PLCB4: variants seen among roughly 807,000 people sequenced by gnomAD.
PLCB4 encodes 1-phosphatidylinositol 4,5-bisphosphate phosphodiesterase beta-4.
PLCB4 carries 77 observed loss-of-function variants against 178.8 expected under a neutral mutation model. That is an observed-to-expected ratio of 0.43 (90% CI 0.36 to 0.52). The LOEUF is 0.52. Among genes scored for constraint, PLCB4 ranks in the 20% least tolerant of loss-of-function variants. The pLI is 0.00. For missense variants in PLCB4, 1,024 were observed against 1,453.4 expected (o/e 0.70, Z 4.80); for synonymous variants, 496 against 490.8 (o/e 1.01, Z -0.14).
chr20:9,229,414 T>C (rs1272492684), intron 3 of PLCB4, among the ~76,000 whole-genome samples: 1 of 152,058 alleles, frequency 6.6e-6, no homozygotes, highest in African/African-American at 2.4e-5. Flanking sequence ...TAGGATGCAG[T>C]GCAGCCAGAA....
chr20:9,262,024 A>G (rs2094302395), intron 3 of PLCB4, among the ~76,000 whole-genome samples: 2 of 152,168 alleles, frequency 1.3e-5, no homozygotes, highest in African/African-American at 4.8e-5. Flanking sequence ...GGTGAATTCC[A>G]CCTGATCCAA....
At chr20:9,112,923 T>C (rs1340785490) in intron 2 of PLCB4, among the ~76,000 whole-genome samples, 1 of 152,108 alleles carries the variant, frequency 6.6e-6, no homozygotes, top group African/African-American at 2.4e-5. Context: ...TTGGTACGTA[T>C]AAAATTTTAC....
Position 9,479,908 on chromosome 20 carries a change from T to C in PLCB4, c.*899T>C, listed in dbSNP as rs2044783049. ...ACAAGCACCAATAAAGACTAATCCA[T>C]ACACAGTTAACCTAATGCCAAATAA... On this transcript the variant is annotated 3_prime_UTR_variant, in exon 40 of 40. Transcript: ENST00000378473. 6.6e-6 allele frequency: 1 copy of C among 152,454 alleles called. No individual in the cohort carries two copies. Among genetic ancestry groups the C allele is most frequent in the Non-Finnish European group, 1.5e-5 (1 of 68,040 alleles). 9.4% of individuals were successfully genotyped at this position (152,454 alleles called of 1,614,324 possible). A position where few individuals can be genotyped will look rare whatever the true frequency, so the allele number is the denominator to read the frequency against.
At chr20:9,370,960 C>T (rs1457130649) in intron 9 of PLCB4, 4 of 393,244 alleles carry the variant, frequency 1.0e-5, no homozygotes, top group Non-Finnish European at 1.8e-5. Context: ...CCGCTTGCCC[C>T]TTGTTCTCCC....
chr20:9,359,986 C>T (rs1468050253), intron 7 of PLCB4, among the ~76,000 whole-genome samples: 6 of 152,130 alleles, frequency 3.9e-5, no homozygotes, highest in Non-Finnish European at 7.4e-5. Flanking sequence ...TGTTATGTTA[C>T]TTGTACTTTA....
intron 18 of PLCB4, among the ~76,000 whole-genome samples, chr20:9,394,676 T>C (rs1359677596): frequency 1.3e-5 from 2 of 152,210 alleles, no homozygotes; most frequent in Non-Finnish European, 2.9e-5. Context: ...TTGAATGTTA[T>C]TTTGTATGTT....
intron 3 of PLCB4, among the ~76,000 whole-genome samples, chr20:9,248,156 C>T (rs1020557087): frequency 2.6e-5 from 4 of 151,912 alleles, no homozygotes; most frequent in African/African-American, 9.7e-5. Flanking sequence ...CATCTATACC[C>T]ATTACTATAT....
intron 9 of PLCB4, 53 bp downstream of exon 9, chr20:9,365,567 C>A: frequency 9.3e-7 from 1 of 1,072,224 alleles, no homozygotes; most frequent in Admixed American, 1.8e-5. Context: ...GCTTGTCATC[C>A]CAAACCAAAG....
At chr20:9,180,348 C>A (rs1016709375) in intron 2 of PLCB4, among the ~76,000 whole-genome samples, 1 of 152,082 alleles carries the variant, frequency 6.6e-6, no homozygotes, top group African/African-American at 2.4e-5. Flanking sequence ...CATTGTTCAG[C>A]GATTTAAATC....
intron 3 of PLCB4, among the ~76,000 whole-genome samples, chr20:9,298,805 G>T (rs1288474748): frequency 6.6e-6 from 1 of 151,994 alleles, no homozygotes; most frequent in African/African-American, 2.4e-5. Flanking sequence ...GGTACGAGAG[G>T]CAGGGACAAA....
rs1321903144 is a variant in PLCB4, at chr20:9,421,440, A to C, written c.2298A>C (p.Glu766Asp). ...ATGGACTCAATCCAGTTTACAATGAAGAGTCATTTGTATTTCGGAAGGTAG... is the reference window on the plus strand; with the variant it reads ...ATGGACTCAATCCAGTTTACAATGACGAGTCATTTGTATTTCGGAAGGTAG... ...MNNGLNPVYNEESFVFRKVIL... is the reference protein window; with the variant it reads ...MNNGLNPVYNDESFVFRKVIL... Residue 766 changes from glutamate to aspartate, a missense_variant, in exon 27 of 40, where the codon GAA (glutamate) becomes GAC (aspartate). This residue lies in a region of PLCB4 where 227 missense variants were observed against 374.3 expected (regional missense o/e 0.61). Coordinates refer to ENST00000378473, the MANE Select transcript of PLCB4 (RefSeq NM_001377142.1). 6.2e-7 allele frequency: 1 copy of C among 1,613,584 alleles called. No individual in the cohort carries two copies. Among genetic ancestry groups the C allele is most frequent in the East Asian group, 2.2e-5 (1 of 44,888 alleles).
intron 34 of PLCB4, among the ~76,000 whole-genome samples, chr20:9,458,374 CTG>C (rs2043185416): frequency 2.0e-5 from 3 of 152,238 alleles, no homozygotes; most frequent in Non-Finnish European, 1.5e-5. Flanking sequence ...GTTGTGCAAA[CTG>C]TCATGATTCT....
intron 2 of PLCB4, among the ~76,000 whole-genome samples, chr20:9,142,736 C>T (rs968387250): frequency 6.6e-6 from 1 of 152,132 alleles, no homozygotes; most frequent in Non-Finnish European, 1.5e-5. Flanking sequence ...TCTGTTCCTG[C>T]TTGAGCCCTT....
chr20:9,336,794 T>C (rs2032535252), intron 4 of PLCB4, among the ~76,000 whole-genome samples: 1 of 152,062 alleles, frequency 6.6e-6, no homozygotes, highest in African/African-American at 2.4e-5. Flanking sequence ...ATGTATCTCC[T>C]GATTTTTGAC....
intron 3 of PLCB4, among the ~76,000 whole-genome samples, chr20:9,285,463 A>G (rs2094529091): frequency 6.6e-6 from 1 of 152,002 alleles, no homozygotes; most frequent in Non-Finnish European, 1.5e-5. Flanking sequence ...AGCATAGTAT[A>G]GTTCTCCTCA....
chr20:9,171,489 C>A (rs1358579991), intron 2 of PLCB4, among the ~76,000 whole-genome samples: 1 of 152,060 alleles, frequency 6.6e-6, no homozygotes, highest in Non-Finnish European at 1.5e-5. Flanking sequence ...AAACTATAGA[C>A]CAGAACAACA....
chr20:9,236,949 T>C (rs1027841937), intron 3 of PLCB4, among the ~76,000 whole-genome samples: 5 of 152,176 alleles, frequency 3.3e-5, no homozygotes, highest in Admixed American at 6.5e-5. Flanking sequence ...ACATAGGACA[T>C]CATGACACCT....
chr20:9,233,132 T>A lies in PLCB4; in HGVS notation c.-16+15680T>A, dbSNP rs141619529. On this transcript the variant is annotated intron_variant, in intron 3 of 39. Coordinates refer to ENST00000378473, the MANE Select transcript of PLCB4 (RefSeq NM_001377142.1). ...GTCTAGTTGAAATTACTCAAATGTA[T>A]CTCATTTTAGTTTCATTTTGATAAT... 3.9e-3 allele frequency among the ~76,000 whole-genome samples: 601 copies of A among 152,270 alleles called. 4 individuals are homozygous for A. The highest frequency in any genetic ancestry group is 0.014 in the African/African-American group (584 of 41,566).
At chr20:9,143,550 C>T (rs189551123) in intron 2 of PLCB4, among the ~76,000 whole-genome samples, 250 of 152,148 alleles carry the variant, frequency 1.6e-3, no homozygotes, top group South Asian at 8.9e-3. Context: ...ATTTAAAAAA[C>T]GGTGGAGGGG....
Sources: gnomAD v4.1 joint callset for allele counts (sites outside exome capture counted in the v4.1 genomes callset) on GRCh38, gnomAD v4.1.1 for gene constraint, gnomAD v4.1.1 regional missense constraint, MANE v1.5 for transcripts, NCBI Gene and HGNC (gene_info 2026-07-23, HGNC 2026-07-21) for gene names.